CNMD: variants seen among roughly 807,000 people sequenced by gnomAD.
CNMD encodes the protein leukocyte cell-derived chemotaxin 1.
In CNMD, 30 loss-of-function variants were observed where a neutral mutation model predicts 37.5. The ratio of observed to expected loss-of-function variants is 0.80; its 90% confidence interval spans 0.60 to 1.09. The LOEUF (loss-of-function observed/expected upper bound fraction) is 1.09. Among genes scored for constraint, CNMD ranks in the 50% least tolerant of loss-of-function variants. The pLI is 0.00. For synonymous variants in CNMD, 167 were observed against 148.2 expected (o/e 1.13, Z -0.92); for missense variants, 398 against 423.9 (o/e 0.94, Z 0.54).
rs75576847 is a variant in CNMD, at chr13:52,731,366, T to C, written c.354+1853A>G. 3.9e-3 allele frequency among the ~76,000 whole-genome samples: 598 copies of C among 152,328 alleles called. 2 individuals carry two copies. The highest frequency in any genetic ancestry group is 0.013 in the African/African-American group (541 of 41,572). On this transcript the variant is annotated intron_variant, in intron 3 of 6. Coordinates refer to ENST00000377962, the MANE Select transcript of CNMD (RefSeq NM_007015.3). Reference sequence around the variant, plus strand: ...CACAGCATGTCTCAATAAATGCTTCTTGAATTTGACCGTTGATTCAAAATA... The same window carrying C: ...CACAGCATGTCTCAATAAATGCTTCCTGAATTTGACCGTTGATTCAAAATA...
At chr13:52,708,246 A>G (rs982203377) in intron 6 of CNMD, among the ~76,000 whole-genome samples, 8 of 151,752 alleles carry the variant, frequency 5.3e-5, no homozygotes, top group African/African-American at 1.9e-4. Flanking sequence ...CAGTGGCCCA[A>G]TCTCGGCTCA....
chr13:52,736,442 T>C (rs1225172904), intron 2 of CNMD, among the ~76,000 whole-genome samples: 2 of 152,164 alleles, frequency 1.3e-5, no homozygotes, highest in African/African-American at 4.8e-5. Flanking sequence ...AGCCCACCTT[T>C]TATGTGCACT....
At chr13:52,727,252 G>C (rs1016708538) in intron 3 of CNMD, among the ~76,000 whole-genome samples, 1 of 152,220 alleles carries the variant, frequency 6.6e-6, no homozygotes, top group African/African-American at 2.4e-5. Flanking sequence ...CTGGGTGACA[G>C]AGCCAGACTC....
intron 4 of CNMD, among the ~76,000 whole-genome samples, chr13:52,716,544 C>T (rs534896349): frequency 5.3e-5 from 8 of 152,194 alleles, no homozygotes; most frequent in African/African-American, 1.9e-4. Context: ...AGGAAGGGGT[C>T]CGGTTTCAGT....
intron 4 of CNMD, among the ~76,000 whole-genome samples, chr13:52,714,244 A>C (rs533776386): frequency 2.0e-5 from 3 of 152,276 alleles, no homozygotes; most frequent in African/African-American, 7.2e-5. Context: ...AAGATTTTAA[A>C]AAATCACAGA....
chr13:52,727,272 T>TA (rs911390819), intron 3 of CNMD, among the ~76,000 whole-genome samples: 165 of 150,060 alleles, frequency 1.1e-3, no homozygotes, highest in South Asian at 2.5e-3. Flanking sequence ...CCGTCTCAAA[T>TA]AAAAAAAAAT....
At chr13:52,704,166 C>T (rs189347738) in intron 6 of CNMD, among the ~76,000 whole-genome samples, 264 of 152,310 alleles carry the variant, frequency 1.7e-3, no homozygotes, top group Non-Finnish European at 7.1e-4. Flanking sequence ...TAAAAAGTAG[C>T]ATTTCTGCCA....
At chr13:52,714,883 G>A (rs1964345173) in intron 4 of CNMD, among the ~76,000 whole-genome samples, 1 of 152,068 alleles carries the variant, frequency 6.6e-6, no homozygotes, top group Non-Finnish European at 1.5e-5. Context: ...AGATGTCCCA[G>A]TATTGAACCA....
At chr13:52,731,844 G>T (rs1305245347) in intron 3 of CNMD, among the ~76,000 whole-genome samples, 1 of 152,082 alleles carries the variant, frequency 6.6e-6, no homozygotes, top group African/African-American at 2.4e-5. Flanking sequence ...GTAGTACAAA[G>T]AAAAAATGAT....
At chr13:52,708,465 G>A (rs1463216521) in intron 6 of CNMD, 71 bp downstream of exon 6, 1 of 1,408,526 alleles carries the variant, frequency 7.1e-7, no homozygotes, top group East Asian at 2.4e-5. Flanking sequence ...ACAGGCGTAA[G>A]CCACCACGCC....
At chr13:52,722,008 G>C (rs1232549340) in intron 4 of CNMD, among the ~76,000 whole-genome samples, 1 of 151,976 alleles carries the variant, frequency 6.6e-6, no homozygotes, top group African/African-American at 2.4e-5. Flanking sequence ...ATAAAAAATG[G>C]TAATGCAATA....
intron 4 of CNMD, among the ~76,000 whole-genome samples, chr13:52,717,860 A>G (rs1341025067): frequency 1.3e-5 from 2 of 152,196 alleles, no homozygotes; most frequent in Admixed American, 6.5e-5. Context: ...GTCTCATAAA[A>G]TGAGTTAGAG....
At chr13:52,724,599 A>G (rs1964542148) in intron 3 of CNMD, among the ~76,000 whole-genome samples, 1 of 151,810 alleles carries the variant, frequency 6.6e-6, no homozygotes, top group Non-Finnish European at 1.5e-5. Context: ...TCTCAAAACA[A>G]AAACAAAAAA....
intron 6 of CNMD, among the ~76,000 whole-genome samples, chr13:52,704,177 C>T (rs1242227842): frequency 2.0e-5 from 3 of 152,214 alleles, no homozygotes; most frequent in Non-Finnish European, 4.4e-5. Flanking sequence ...ATTTCTGCCA[C>T]TGCTAATTCT....
intron 4 of CNMD, among the ~76,000 whole-genome samples, chr13:52,717,872 GGA>G (rs1411005239): frequency 1.3e-5 from 2 of 152,176 alleles, no homozygotes; most frequent in African/African-American, 4.8e-5. Flanking sequence ...GAGTTAGAGA[GGA>G]GTCCCTCTTT....
At chr13:52,730,371 A>C (rs1413445605) in intron 3 of CNMD, among the ~76,000 whole-genome samples, 1 of 152,064 alleles carries the variant, frequency 6.6e-6, no homozygotes, top group Non-Finnish European at 1.5e-5. Flanking sequence ...TGGTATTTCT[A>C]GTTCTAGATC....
intron 6 of CNMD, among the ~76,000 whole-genome samples, chr13:52,707,905 C>T (rs1226536105): frequency 6.6e-6 from 1 of 151,430 alleles, no homozygotes; most frequent in African/African-American, 2.4e-5. Context: ...GCCAGGAGTT[C>T]GAGAACAGCC....
At chr13:52,705,138 C>T (rs1325591353) in intron 6 of CNMD, among the ~76,000 whole-genome samples, 1 of 152,056 alleles carries the variant, frequency 6.6e-6, no homozygotes, top group Non-Finnish European at 1.5e-5. Context: ...CTAGATTGGA[C>T]AATTGCTAAC....
chr13:52,705,409 AT>A (rs1162609330), intron 6 of CNMD, among the ~76,000 whole-genome samples: 2 of 152,224 alleles, frequency 1.3e-5, no homozygotes, highest in African/African-American at 4.8e-5. Context: ...AAGTTATGTC[AT>A]CAAAATATTT....
Sources: allele counts gnomAD v4.1 joint callset (sites outside exome capture counted in the v4.1 genomes callset), GRCh38; gene constraint gnomAD v4.1.1; transcripts MANE v1.5; gene names NCBI Gene and HGNC (gene_info 2026-07-23, HGNC 2026-07-21).